The following SORCS1 variants were observed in gnomAD, a reference collection of about 807,000 sequenced individuals.
SORCS1 encodes VPS10 domain-containing receptor SorCS1.
SORCS1 carries 60 observed loss-of-function variants against 146.1 expected under a neutral mutation model. That is an observed-to-expected ratio of 0.41 (90% confidence interval 0.33 to 0.51). The LOEUF is 0.51. Among genes scored for constraint, SORCS1 ranks in the 20% least tolerant of loss-of-function variants. The probability of loss-of-function intolerance (pLI) is 0.21; values close to 1 mark genes in which losing one functional copy is unlikely to be tolerated. For synonymous variants in SORCS1, 637 were observed against 584.0 expected (o/e 1.09, Z -1.31); for missense variants, 1,352 against 1,487.6 (o/e 0.91, Z 1.50).
intron 24 of SORCS1, among the ~76,000 whole-genome samples, chr10:106,593,464 G>A (rs756491650): frequency 3.3e-5 from 5 of 152,086 alleles, no homozygotes; most frequent in Admixed American, 6.5e-5. Flanking sequence ...GCTCTAATGC[G>A]TTATGACCAG....
At chr10:106,912,122 A>AAC (rs1952194721) in intron 2 of SORCS1, among the ~76,000 whole-genome samples, 1 of 146,544 alleles carries the variant, frequency 6.8e-6, no homozygotes, top group African/African-American at 2.6e-5. Flanking sequence ...CAAAAAAAAA[A>AAC]AACAAACAAA....
At chr10:106,928,457 G>A (rs2138550357) in intron 2 of SORCS1, among the ~76,000 whole-genome samples, 1 of 152,334 alleles carries the variant, frequency 6.6e-6, no homozygotes, top group East Asian at 1.9e-4. Flanking sequence ...CACAGCCCCG[G>A]TTTCCGCTCA....
chr10:106,860,397 C>A (rs1017215032), intron 2 of SORCS1, among the ~76,000 whole-genome samples: 3 of 152,190 alleles, frequency 2.0e-5, no homozygotes, highest in Non-Finnish European at 4.4e-5. Flanking sequence ...GGCTGCATTA[C>A]CCTACACTCC....
At chr10:106,631,569 C>A (rs1234857629) in intron 18 of SORCS1, among the ~76,000 whole-genome samples, 2 of 152,110 alleles carry the variant, frequency 1.3e-5, no homozygotes, top group Non-Finnish European at 2.9e-5. Flanking sequence ...ACAAGGAATG[C>A]AGTTTCCACT....
At chr10:106,579,509 G>A in intron 24 of SORCS1, 35 bp from the exon 25 acceptor site, 1 of 1,607,448 alleles carries the variant, frequency 6.2e-7, no homozygotes, top group African/African-American at 1.3e-5. Flanking sequence ...AAAATGAGCA[G>A]AGAACTGGGC....
rs539859960 is a variant in SORCS1, at chr10:106,826,465, T to C, written c.726+3109A>G. Among the ~76,000 whole-genome samples the C allele has an allele frequency of 3.9e-5, 6 of 152,374 alleles. No individual in the cohort carries two copies. The South Asian group carries it at 1.2e-3, about 32-fold the overall frequency. ...TTTGTTCTGCATAATTAACAGAGCC[T>C]GAAATTTCTTTCTTTTTGTTTTAAC... On this transcript the variant is annotated intron_variant, in intron 3 of 25. Coordinates refer to ENST00000263054, the MANE Select transcript of SORCS1 (RefSeq NM_052918.5).
In SORCS1 at chr10:106,706,750, C is replaced by G. The variant is rs1191093897; in HGVS notation, c.1144-116G>C. On this transcript the variant is annotated intron_variant, in intron 7 of 25. Coordinates refer to ENST00000263054, the MANE Select transcript of SORCS1 (RefSeq NM_052918.5). ...CCAACACAACAAATGGCATTAATGT[C>G]TATTGCGGACAAGTGTAAAGAATTG... 4.2e-5 allele frequency: 37 copies of G among 874,876 alleles called. 2 individuals carry two copies. The highest frequency in any genetic ancestry group is 4.1e-4 in the East Asian group (16 of 38,674). 54.2% of individuals were successfully genotyped at this position (874,876 alleles called of 1,614,324 possible).
intron 2 of SORCS1, among the ~76,000 whole-genome samples, chr10:106,956,093 C>T (rs943863279): frequency 6.6e-6 from 1 of 151,528 alleles, no homozygotes; most frequent in African/African-American, 2.4e-5. Context: ...TGCGCCATTG[C>T]ACTCCAGCCT....
At chr10:106,998,518 G>C (rs1163372582) in intron 1 of SORCS1, among the ~76,000 whole-genome samples, 1 of 152,188 alleles carries the variant, frequency 6.6e-6, no homozygotes, top group East Asian at 1.9e-4. Context: ...ACTTTAACAT[G>C]ACAACCAGTC....
chr10:106,792,321 C>A (rs1564662345), intron 3 of SORCS1, among the ~76,000 whole-genome samples: 5 of 152,324 alleles, frequency 3.3e-5, no homozygotes, highest in Middle Eastern at 6.8e-3. Flanking sequence ...CCCAGTCAAA[C>A]CTTTCTGGTT....
chr10:107,155,029 A>T (rs1481408690), intron 1 of SORCS1, among the ~76,000 whole-genome samples: 1 of 152,176 alleles, frequency 6.6e-6, no homozygotes, highest in Admixed American at 6.5e-5. Flanking sequence ...ATTTTAAATC[A>T]TGTGTACTTT....
At chr10:106,618,390 A>G (rs1847519827) in intron 20 of SORCS1, 118 bp from the exon 21 acceptor site, 1 of 1,297,414 alleles carries the variant, frequency 7.7e-7, no homozygotes, top group Non-Finnish European at 1.1e-6. Flanking sequence ...CTGATGTACC[A>G]CAATGGCACT....
At chr10:106,799,248 T>C (rs1461121800) in intron 3 of SORCS1, among the ~76,000 whole-genome samples, 1 of 152,192 alleles carries the variant, frequency 6.6e-6, no homozygotes, top group African/African-American at 2.4e-5. Context: ...ATTAGAGACT[T>C]AAATGTCAGA....
At chr10:106,974,694 T>C (rs1345296957) in intron 1 of SORCS1, among the ~76,000 whole-genome samples, 3 of 152,182 alleles carry the variant, frequency 2.0e-5, no homozygotes, top group Non-Finnish European at 2.9e-5. Context: ...CAACCCTGTC[T>C]GCAGCAGAAC....
At chr10:106,909,724 G>T (rs1952059236) in intron 2 of SORCS1, among the ~76,000 whole-genome samples, 1 of 152,110 alleles carries the variant, frequency 6.6e-6, no homozygotes, top group Non-Finnish European at 1.5e-5. Context: ...GCTCCAACCT[G>T]GTTTCTCCAT....
At chr10:106,877,051 A>C (rs1465076424) in intron 2 of SORCS1, among the ~76,000 whole-genome samples, 1 of 152,204 alleles carries the variant, frequency 6.6e-6, no homozygotes, top group Non-Finnish European at 1.5e-5. Context: ...ATAATTATGA[A>C]GCTAATGAGA....
intron 1 of SORCS1, among the ~76,000 whole-genome samples, chr10:106,975,990 A>C (rs1221793419): frequency 6.6e-6 from 1 of 152,028 alleles, no homozygotes; most frequent in African/African-American, 2.4e-5. Context: ...TCTACTAACA[A>C]TACAAAAATT....
At chr10:106,628,565 C>T (rs1219255316) in intron 19 of SORCS1, among the ~76,000 whole-genome samples, 1 of 152,218 alleles carries the variant, frequency 6.6e-6, no homozygotes, top group African/African-American at 2.4e-5. Flanking sequence ...ATCATACTTA[C>T]TCACATCTTT....
chr10:106,934,393 G>A lies in SORCS1; in HGVS notation c.626+22120C>T, dbSNP rs187933612. The stretch of plus-strand genomic sequence containing the variant: ...CTGCCTCAGCCTCCTGTGTAGTTGG[G>A]ACTACAGGCGCCACCACCACACCCG... On this transcript the variant is annotated intron_variant, in intron 2 of 25. Coordinates refer to ENST00000263054, the MANE Select transcript of SORCS1 (RefSeq NM_052918.5). 3.7e-3 allele frequency among the ~76,000 whole-genome samples: 543 copies of A among 147,968 alleles called. 5 individuals carry two copies. Among genetic ancestry groups the A allele is most frequent in the African/African-American group, 0.012 (449 of 37,846 alleles).
Sources: allele counts gnomAD v4.1 joint callset (sites outside exome capture counted in the v4.1 genomes callset), GRCh38; gene constraint gnomAD v4.1.1; transcripts MANE v1.5; gene names NCBI Gene and HGNC (gene_info 2026-07-23, HGNC 2026-07-21).